Variants in TEX9 observed in about 807,000 individuals in gnomAD.
TEX9 encodes testis-expressed protein 9.
In TEX9, 74 loss-of-function variants were observed where a neutral mutation model predicts 59.6. That is an observed-to-expected ratio of 1.24 (90% CI 1.03 to 1.51). The LOEUF is 1.51. TEX9 is among the 40% of genes most tolerant of loss of function. TEX9 has a pLI of 0.00. For synonymous variants in TEX9, 186 were observed against 152.2 expected (o/e 1.22, Z -1.64); for missense variants, 522 against 447.8 (o/e 1.17, Z -1.49).
At chr15:56,329,637 T>G (rs541029917) in intron 1 of TEX9, among the ~76,000 whole-genome samples, 35 of 152,034 alleles carry the variant, frequency 2.3e-4, no homozygotes, top group African/African-American at 8.0e-4. Context: ...TGTTGAAAAA[T>G]GCAATTGACA....
chr15:56,326,939 G>A (rs1179359909), intron 1 of TEX9, among the ~76,000 whole-genome samples: 2 of 152,168 alleles, frequency 1.3e-5, no homozygotes, highest in African/African-American at 2.4e-5. Context: ...TGGGTACAGT[G>A]TATGCTGCTT....
upstream of TEX9, chr15:56,365,341 G>A: frequency 7.1e-7 from 1 of 1,412,494 alleles, no homozygotes. Flanking sequence ...TCGCAGCACA[G>A]AACCTGAGAG....
chr15:56,367,784 A>G (rs2047012644), intron 2 of TEX9, among the ~76,000 whole-genome samples: 1 of 152,146 alleles, frequency 6.6e-6, no homozygotes, highest in Non-Finnish European at 1.5e-5. Context: ...AAGGTACTGA[A>G]TAGTTGCTAT....
intron 1 of TEX9, among the ~76,000 whole-genome samples, chr15:56,310,212 A>G (rs1249206934): frequency 6.6e-6 from 1 of 152,174 alleles, no homozygotes; most frequent in Non-Finnish European, 1.5e-5. Context: ...CAGTTGGACC[A>G]CCTGAGGTCA....
At chr15:56,356,260 T>C (rs1356326412) in intron 1 of TEX9, among the ~76,000 whole-genome samples, 1 of 152,148 alleles carries the variant, frequency 6.6e-6, no homozygotes, top group Non-Finnish European at 1.5e-5. Flanking sequence ...ATGTTAGATG[T>C]AGGGTTTTTT....
At chr15:56,448,362 T>A (rs1394283958), downstream of TEX9, among the ~76,000 whole-genome samples, 1 of 152,168 alleles carries the variant, frequency 6.6e-6, no homozygotes, top group Admixed American at 6.5e-5. Flanking sequence ...GAGCACAGAA[T>A]CAAATGGGTT....
intron 12 of TEX9, among the ~76,000 whole-genome samples, chr15:56,436,243 T>G (rs1273544133): frequency 6.6e-6 from 1 of 151,954 alleles, no homozygotes; most frequent in Non-Finnish European, 1.5e-5. Flanking sequence ...GAACAGAAAT[T>G]ATAACAAACT....
At chr15:56,301,032 C>T (rs1567077765) in intron 1 of TEX9, among the ~76,000 whole-genome samples, 1 of 152,180 alleles carries the variant, frequency 6.6e-6, no homozygotes, top group Non-Finnish European at 1.5e-5. Flanking sequence ...GTTGACAAAT[C>T]ACAGAGTGAA....
At chr15:56,273,546 A>G (rs1254032981) in intron 1 of TEX9, among the ~76,000 whole-genome samples, 2 of 152,242 alleles carry the variant, frequency 1.3e-5, no homozygotes, top group African/African-American at 4.8e-5. Context: ...GAGCAATTAA[A>G]ATAAGGAAAA....
intron 12 of TEX9, among the ~76,000 whole-genome samples, chr15:56,437,375 T>C (rs1467382553): frequency 6.6e-6 from 1 of 152,140 alleles, no homozygotes; most frequent in Admixed American, 6.5e-5. Flanking sequence ...CACATGATTA[T>C]CTCAATAGAT....
chr15:56,354,489 G>A (rs563266636), intron 1 of TEX9, among the ~76,000 whole-genome samples: 1 of 152,140 alleles, frequency 6.6e-6, no homozygotes, highest in Admixed American at 6.6e-5. Context: ...AGAATGTTGT[G>A]TTAGTTATAT....
Position 56,427,742 on chromosome 15 carries a change from G to T in TEX9, c.1098+3G>T. On this transcript the variant is annotated splice_donor_region_variant and intron_variant, in intron 11 of 12. Transcript: ENST00000352903. ...TTGATGTTTTAAAAAGGCAAAAGGT[G>T]AGTCTATCATTAAAGTTAAATCATC... is the stretch of plus-strand genomic sequence containing the variant. The T allele has an allele frequency of 6.8e-7, 1 of 1,462,978 alleles. No individual in the cohort carries two copies. Among genetic ancestry groups the T allele is most frequent in the Non-Finnish European group, 9.1e-7 (1 of 1,101,088 alleles). The allele number at this position is 1,462,978 out of a possible 1,614,324, so 90.6% of individuals were successfully genotyped here.
downstream of TEX9, chr15:56,447,617 CCAA>C (rs1197100891): frequency 2.6e-5 from 4 of 151,940 alleles, no homozygotes; most frequent in African/African-American, 9.6e-5. Context: ...AAATTTATAC[CCAA>C]CAATATCACT....
chr15:56,258,517 G>A (rs1466218395), intron 1 of TEX9, among the ~76,000 whole-genome samples: 1 of 151,998 alleles, frequency 6.6e-6, no homozygotes, highest in Non-Finnish European at 1.5e-5. Context: ...CTTGTTAGCT[G>A]TATTCCTAGG....
intron 1 of TEX9, among the ~76,000 whole-genome samples, chr15:56,280,154 T>G (rs2044780164): frequency 6.6e-6 from 1 of 152,240 alleles, no homozygotes; most frequent in Admixed American, 6.5e-5. Context: ...TTAAATGCAT[T>G]TTAACTTATG....
the TEX9 span, among the ~76,000 whole-genome samples, chr15:56,454,876 G>A: frequency 1.3e-5 from 2 of 151,996 alleles, no homozygotes; most frequent in African/African-American, 4.8e-5. Flanking sequence ...CCCTTAATCT[G>A]TGTCTAATAA....
chr15:56,353,585 T>G (rs921813114), intron 1 of TEX9, among the ~76,000 whole-genome samples: 32 of 152,316 alleles, frequency 2.1e-4, no homozygotes, highest in Middle Eastern at 3.4e-3. Context: ...TGACCATGAT[T>G]AAAATTGTGA....
In TEX9 at chr15:56,350,930, T is replaced by C. The variant is rs182060610; in HGVS notation, c.-106-22511T>C. Among the ~76,000 whole-genome samples the C allele has an allele frequency of 5.3e-5, 8 of 152,334 alleles. No individual in the cohort carries two copies. In the East Asian group the frequency reaches 1.3e-3, roughly 26 times the overall value. ...AAGGTATTTTTAGTATGTGTGGCAA[T>C]GGAGTTGGTAAGGCAATGGAGTAGA... On this transcript the variant is annotated intron_variant, in intron 1 of 5. Coordinates refer to the TEX9 transcript ENST00000560827.
At chr15:56,280,030 T>C (rs2044777254) in intron 1 of TEX9, among the ~76,000 whole-genome samples, 1 of 152,250 alleles carries the variant, frequency 6.6e-6, no homozygotes, top group Non-Finnish European at 1.5e-5. Flanking sequence ...ACAACTGATA[T>C]TCTACAGTGT....
Sources: allele counts gnomAD v4.1 joint callset (sites outside exome capture counted in the v4.1 genomes callset), GRCh38; gene constraint gnomAD v4.1.1; transcripts MANE v1.5; gene names NCBI Gene and HGNC (gene_info 2026-07-23, HGNC 2026-07-21).